The following ANK2 variants were observed in gnomAD, a reference collection of about 807,000 sequenced individuals.
ANK2 encodes the protein ankyrin-2.
Under a neutral mutation model 360.5 loss-of-function variants are expected in ANK2, and 83 were observed. The ratio of observed to expected loss-of-function variants is 0.23; its 90% CI spans 0.19 to 0.28. ANK2 has a LOEUF of 0.28. Ranked by LOEUF, ANK2 falls within the 10% of genes least tolerant of loss-of-function variation. The probability of loss-of-function intolerance (pLI) is 1.00; values close to 1 mark genes in which losing one functional copy is unlikely to be tolerated. For missense variants in ANK2, 4,201 were observed against 4,795.7 expected, an observed-to-expected ratio of 0.88 and a Z score of 3.66; for synonymous variants, 1,740 against 1,759.5, an observed-to-expected ratio of 0.99 and a Z score of 0.28.
At chr4:113,159,613 T>G (rs965909400) in intron 1 of ANK2, among the ~76,000 whole-genome samples, 2 of 151,904 alleles carry the variant, frequency 1.3e-5, no homozygotes, top group Non-Finnish European at 2.9e-5. Flanking sequence ...CTTTATTTTT[T>G]TTTTCTTTTT....
chr4:112,995,953 A>G (rs997395711), intron 2 of ANK2, among the ~76,000 whole-genome samples: 1 of 152,222 alleles, frequency 6.6e-6, no homozygotes, highest in African/African-American at 2.4e-5. Context: ...AAAGTTAAAC[A>G]TGTGCATACC....
intron 1 of ANK2, among the ~76,000 whole-genome samples, chr4:112,859,971 C>T (rs942991834): frequency 1.1e-4 from 16 of 152,194 alleles, no homozygotes; most frequent in African/African-American, 3.4e-4. Context: ...ATACAGTGAC[C>T]ATTCTCTACT....
At chr4:113,341,342 C>T (rs192767876) in intron 32 of ANK2, among the ~76,000 whole-genome samples, 16 of 152,266 alleles carry the variant, frequency 1.1e-4, no homozygotes, top group Admixed American at 1.0e-3. Context: ...TGAGTTCACT[C>T]CACTAAAGGA....
intron 1 of ANK2, among the ~76,000 whole-genome samples, chr4:112,850,124 A>G (rs994383710): frequency 6.6e-6 from 1 of 152,142 alleles, no homozygotes; most frequent in African/African-American, 2.4e-5. Context: ...ACTGAGAGTT[A>G]CACTATCAAC....
Position 113,359,286 on chromosome 4 carries a change from T to G in ANK2, c.10668T>G (p.His3556Gln). Reference sequence around the variant, plus strand: ...AACGCATCCCTGATGAAAATGGCCATGACCATGCTGAAGGTATTTGCCAGC... The same window carrying G: ...AACGCATCCCTGATGAAAATGGCCAGGACCATGCTGAAGGTATTTGCCAGC... ...LIERIPDENG[H>Q]DHAEDPQDEQ... The change falls in exon 38 of 46, where the codon CAT becomes CAG. Residue 3556 changes from histidine to glutamine, a missense_variant. Physicochemically the swap from His to Gln is conservative, Grantham distance 24. Transcript: ENST00000357077. 4 of 1,613,878 alleles carry G rather than the reference T, an allele frequency of 2.5e-6. No homozygotes were observed. Among genetic ancestry groups the G allele is most frequent in the Non-Finnish European group, 3.4e-6 (4 of 1,179,880 alleles).
At position 112,839,499 on chromosome 4, in the gene ANK2, G is replaced by T. The variant is rs117809849; in HGVS notation, c.-40+21235G>T. Among the ~76,000 whole-genome samples, 73 of 152,300 alleles carry T rather than the reference G, an allele frequency of 4.8e-4. No homozygotes were observed. The East Asian group carries it at 0.013, about 27-fold the overall frequency. On this transcript the variant is annotated intron_variant, in intron 1 of 30. Coordinates refer to the ANK2 transcript ENST00000503271. ...TATGAATATGTGCTGAGTCTTTAAA[G>T]AGTAGATGATACCAAATATTTTGAC...
the ANK2 span, among the ~76,000 whole-genome samples, chr4:112,752,155 T>C: frequency 6.6e-6 from 1 of 152,212 alleles, no homozygotes; most frequent in East Asian, 1.9e-4. Context: ...CACTGGACAC[T>C]GTGTTAGGAG....
chr4:113,079,656 C>T (rs1001692653), intron 1 of ANK2, among the ~76,000 whole-genome samples: 6 of 152,042 alleles, frequency 3.9e-5, no homozygotes, highest in South Asian at 2.1e-4. Context: ...TAAACTTCTT[C>T]GTTGATACCT....
chr4:113,363,869 G>C (rs1036799549), intron 40 of ANK2, among the ~76,000 whole-genome samples: 4 of 152,152 alleles, frequency 2.6e-5, no homozygotes, highest in African/African-American at 9.7e-5. Flanking sequence ...CCCATGCAAA[G>C]TGCTCTGAGC....
At chr4:113,214,976 T>G (rs1167785179) in intron 4 of ANK2, among the ~76,000 whole-genome samples, 1 of 152,070 alleles carries the variant, frequency 6.6e-6, no homozygotes. Context: ...TACAGGAGAC[T>G]CTCCTGTATG....
At chr4:113,128,859 G>A (rs185090332) in intron 1 of ANK2, among the ~76,000 whole-genome samples, 30 of 152,252 alleles carry the variant, frequency 2.0e-4, no homozygotes, top group Admixed American at 1.4e-3. Flanking sequence ...ATACAGACAT[G>A]TATTTCCTAC....
chr4:112,866,114 C>T (rs1040296698), intron 1 of ANK2, among the ~76,000 whole-genome samples: 32 of 152,318 alleles, frequency 2.1e-4, no homozygotes, highest in African/African-American at 7.2e-4. Context: ...GGCTGAGGTG[C>T]AGCATACAGT....
At chr4:112,728,529 T>C in the ANK2 span, among the ~76,000 whole-genome samples, 1 of 151,874 alleles carries the variant, frequency 6.6e-6, no homozygotes, top group Non-Finnish European at 1.5e-5. Context: ...GGTAGGATGA[T>C]CGCTTGAGAC....
At chr4:113,032,080 G>C in intron 2 of ANK2, among the ~76,000 whole-genome samples, 1 of 151,976 alleles carries the variant, frequency 6.6e-6, no homozygotes, top group Non-Finnish European at 1.5e-5. Flanking sequence ...TGACAGGAAC[G>C]CTAATGCTAT....
chr4:113,324,616 CT>C (rs1023020958), intron 26 of ANK2, among the ~76,000 whole-genome samples: 1 of 152,032 alleles, frequency 6.6e-6, no homozygotes, highest in African/African-American at 2.4e-5. Context: ...ATTTGAACCA[CT>C]TTTTTCAAAG....
At chr4:112,827,588 A>C (rs2058671978) in intron 1 of ANK2, 1 of 1,005,246 alleles carries the variant, frequency 9.9e-7, no homozygotes, top group African/African-American at 1.6e-5. Context: ...CGAGCTCTAT[A>C]CCTGGCCCTT....
intron 13 of ANK2, among the ~76,000 whole-genome samples, chr4:113,262,963 G>A (rs1425859866): frequency 6.6e-6 from 1 of 151,732 alleles, no homozygotes; most frequent in African/African-American, 2.4e-5. Context: ...GCCGAGGCGG[G>A]TGGATCACTA....
At chr4:112,779,772 A>G in the ANK2 span, among the ~76,000 whole-genome samples, 1 of 152,210 alleles carries the variant, frequency 6.6e-6, no homozygotes, top group Admixed American at 6.5e-5. Flanking sequence ...ACCTGAACAT[A>G]TCCTAAAGTA....
At chr4:113,274,250 A>T (rs1428255101) in intron 14 of ANK2, among the ~76,000 whole-genome samples, 1 of 152,214 alleles carries the variant, frequency 6.6e-6, no homozygotes, top group Non-Finnish European at 1.5e-5. Flanking sequence ...ATGCTTTTTA[A>T]AAATCAAAGG....
Sources: gnomAD v4.1 joint callset for allele counts (sites outside exome capture counted in the v4.1 genomes callset) on GRCh38, gnomAD v4.1.1 for gene constraint, MANE v1.5 for transcripts, NCBI Gene and HGNC (gene_info 2026-07-23, HGNC 2026-07-21) for gene names.